Variants in MYCBP2 observed in about 807,000 individuals in gnomAD.
The protein encoded by MYCBP2 is MYC binding protein 2.
In MYCBP2, 120 loss-of-function variants were observed where a neutral mutation model predicts 525.3. That is an observed-to-expected ratio of 0.23 (90% confidence interval 0.20 to 0.27). The LOEUF is 0.27. MYCBP2 is among the 10% of genes least tolerant of loss of function. MYCBP2 has a pLI of 1.00. For synonymous variants in MYCBP2, 1,894 were observed against 1,955.8 expected (o/e 0.97, Z 0.83); for missense variants, 4,149 against 5,657.1 (o/e 0.73, Z 8.55).
At position 77,166,868 on chromosome 13, in the gene MYCBP2, A is replaced by G. The variant is rs548563927; in HGVS notation, c.6115-314T>C. Among the ~76,000 whole-genome samples, 311 of 152,224 alleles carry G rather than the reference A, an allele frequency of 2.0e-3. 1 individual carries two copies. The highest frequency in any genetic ancestry group is 3.7e-3 in the Admixed American group (57 of 15,280). On this transcript the variant is annotated intron_variant, in intron 40 of 82. Transcript: ENST00000544440. ...ATAAAATAAATGACTCTCTAAGTGTATATCCAATGAATGCATAATCATGCA... is the reference window on the plus strand; with the variant it reads ...ATAAAATAAATGACTCTCTAAGTGTGTATCCAATGAATGCATAATCATGCA...
intron 1 of MYCBP2, among the ~76,000 whole-genome samples, chr13:77,318,677 C>G (rs1041664951): frequency 6.6e-6 from 1 of 152,220 alleles, no homozygotes; most frequent in Non-Finnish European, 1.5e-5. Context: ...TCACTTGAAC[C>G]TGGCAGGCGG....
chr13:77,249,590 T>A (rs2070750762), intron 15 of MYCBP2, among the ~76,000 whole-genome samples: 1 of 152,136 alleles, frequency 6.6e-6, no homozygotes, highest in African/African-American at 2.4e-5. Flanking sequence ...GTTAGGGGTG[T>A]TGCTATGCTG....
chr13:77,261,832 C>T (rs1341944647), intron 11 of MYCBP2, among the ~76,000 whole-genome samples: 1 of 151,848 alleles, frequency 6.6e-6, no homozygotes, highest in African/African-American at 2.4e-5. Context: ...GTAAAAAGAG[C>T]AATTATTTGT....
intron 23 of MYCBP2, among the ~76,000 whole-genome samples, chr13:77,210,233 C>T (rs1355110034): frequency 3.3e-5 from 5 of 150,162 alleles, no homozygotes; most frequent in Admixed American, 2.0e-4. Flanking sequence ...CAGAGTCTCG[C>T]CCAGGCTGGA....
Position 77,161,630 on chromosome 13 carries a change from CAA to C in MYCBP2, c.6597+274_6597+275del, listed in dbSNP as rs1238430972. On this transcript the variant is annotated intron_variant, in intron 44 of 82. Coordinates refer to ENST00000544440, the MANE Select transcript of MYCBP2 (RefSeq NM_015057.5). Reference sequence around the variant, plus strand: ...TGCAATTTAAATGGCCACAGTTCTGCAAGCCATCCTCCGCACCCTTGGCACTT... The same window carrying C: ...TGCAATTTAAATGGCCACAGTTCTGCGCCATCCTCCGCACCCTTGGCACTT... Among the ~76,000 whole-genome samples the C allele has an allele frequency of 2.6e-5, 4 of 152,338 alleles. No homozygotes were observed. The East Asian group carries it at 7.7e-4, about 29-fold the overall frequency.
Position 77,078,826 on chromosome 13 carries a change from G to T in MYCBP2, c.11482C>A (p.Gln3828Lys). 6.2e-7 allele frequency: 1 copy of T among 1,613,160 alleles called. No individual in the cohort carries two copies. The change falls in exon 66 of 83, where the codon CAG becomes AAG. Residue 3828 changes from glutamine to lysine, a missense_variant and splice_region_variant. Physicochemically the swap from Gln to Lys is moderately conservative, Grantham distance 53. Coordinates refer to ENST00000544440, the MANE Select transcript of MYCBP2 (RefSeq NM_015057.5). Reference protein sequence around the residue: ...KAVEDLCRIKQVDLDSRHIGW... With the variant: ...KAVEDLCRIKKVDLDSRHIGW... Reference sequence around the variant, plus strand: ...TTTAATGACAAAATTTCAATTACCTGCTTTATTCTGCACAAATCTTCTACT... The same window carrying T: ...TTTAATGACAAAATTTCAATTACCTTCTTTATTCTGCACAAATCTTCTACT...
At chr13:77,282,558 C>T (rs186406283) in intron 3 of MYCBP2, among the ~76,000 whole-genome samples, 1 of 152,180 alleles carries the variant, frequency 6.6e-6, no homozygotes, top group African/African-American at 2.4e-5. Context: ...CTTTTCAAAG[C>T]TATTTTTTCA....
intron 52 of MYCBP2, among the ~76,000 whole-genome samples, chr13:77,136,107 C>T (rs1281712412): frequency 3.3e-5 from 5 of 152,208 alleles, no homozygotes; most frequent in Non-Finnish European, 5.9e-5. Flanking sequence ...GCGTGAGCCA[C>T]CGTGCCCAGC....
chr13:77,147,623 C>G (rs1363030274), intron 47 of MYCBP2, among the ~76,000 whole-genome samples: 1 of 152,020 alleles, frequency 6.6e-6, no homozygotes, highest in Non-Finnish European at 1.5e-5. Context: ...ACTTTACCTA[C>G]TCAAAAGTTA....
chr13:77,232,001 T>C (rs1239867760), intron 18 of MYCBP2, among the ~76,000 whole-genome samples: 1 of 152,234 alleles, frequency 6.6e-6, no homozygotes, highest in Non-Finnish European at 1.5e-5. Flanking sequence ...CTGTGGTTAA[T>C]TGCATTAGAT....
rs766710432 is a variant in MYCBP2 at position 77,144,599 on chromosome 13, T to C, written c.7188-39A>G. 10 of 1,369,740 alleles carry C rather than the reference T, an allele frequency of 7.3e-6. No individual in the cohort carries two copies. The South Asian group carries it at 1.2e-4, about 16-fold the overall frequency. 84.8% of individuals were successfully genotyped at this position (1,369,740 alleles called of 1,614,324 possible). A position where few individuals can be genotyped will look rare whatever the true frequency, so the allele number is the denominator to read the frequency against. On this transcript the variant is annotated intron_variant, in intron 48 of 82. Coordinates refer to ENST00000544440, the MANE Select transcript of MYCBP2 (RefSeq NM_015057.5). ...AGATGGATATTGGAAATTTTACTTT[T>C]GGTTAAGCAGTCAACATCATTACGA... is the stretch of plus-strand genomic sequence containing the variant.
chr13:77,254,514 T>C (rs2071811915), intron 14 of MYCBP2, among the ~76,000 whole-genome samples: 1 of 151,938 alleles, frequency 6.6e-6, no homozygotes, highest in Non-Finnish European at 1.5e-5. Context: ...TACATAACTG[T>C]TATACCTATT....
At chr13:77,296,472 G>C (rs2078201219) in intron 2 of MYCBP2, 127 bp downstream of exon 2, 1 of 985,060 alleles carries the variant, frequency 1.0e-6, no homozygotes, top group Admixed American at 4.0e-5. Flanking sequence ...AAATCATAAA[G>C]GGCTTTTACA....
intron 4 of MYCBP2, among the ~76,000 whole-genome samples, chr13:77,275,780 T>C (rs1339444824): frequency 6.6e-6 from 1 of 152,190 alleles, no homozygotes; most frequent in Non-Finnish European, 1.5e-5. Context: ...GGTCAGGAGT[T>C]TGAGACCAGC....
intron 15 of MYCBP2, among the ~76,000 whole-genome samples, chr13:77,250,406 G>A (rs892636970): frequency 1.2e-4 from 18 of 152,192 alleles, no homozygotes; most frequent in African/African-American, 4.3e-4. Context: ...AGGGATGGCT[G>A]TCTTCCTTCT....
chr13:77,066,278 T>C (rs1036624981), intron 71 of MYCBP2, among the ~76,000 whole-genome samples, 190 bp from the exon 72 acceptor site: 5 of 152,196 alleles, frequency 3.3e-5, no homozygotes, highest in African/African-American at 1.2e-4. Flanking sequence ...GTTATTTGAG[T>C]TCCCTTTCAA....
intron 36 of MYCBP2, 123 bp from the exon 37 acceptor site, chr13:77,174,612 T>A (rs2059436676): frequency 1.4e-6 from 1 of 724,132 alleles, no homozygotes; most frequent in South Asian, 2.1e-5. Context: ...ATGATATAAT[T>A]AAATAAGTTT....
intron 62 of MYCBP2, among the ~76,000 whole-genome samples, chr13:77,085,179 CTGTTA>C (rs1211157022): frequency 6.6e-6 from 1 of 151,998 alleles, no homozygotes; most frequent in Non-Finnish European, 1.5e-5. Context: ...AAAATATTTT[CTGTTA>C]TAATTCTTCT....
chr13:77,071,308 CAA>C (rs1491335212), intron 68 of MYCBP2, among the ~76,000 whole-genome samples: 117 of 147,846 alleles, frequency 7.9e-4, no homozygotes, highest in African/African-American at 2.7e-3. Flanking sequence ...CACACACACA[CAA>C]ATCTTATCTA....
Sources: allele counts gnomAD v4.1 joint callset (sites outside exome capture counted in the v4.1 genomes callset), GRCh38; gene constraint gnomAD v4.1.1; transcripts MANE v1.5; gene names NCBI Gene and HGNC (gene_info 2026-07-23, HGNC 2026-07-21).